The following TOP3B variants were observed in gnomAD, a reference collection of about 807,000 sequenced individuals.
TOP3B encodes the protein DNA topoisomerase III beta.
TOP3B carries 45 observed loss-of-function variants against 93.9 expected under a neutral mutation model. The observed-to-expected ratio is 0.48, with a 90% CI of 0.38 to 0.61. The LOEUF (loss-of-function observed/expected upper bound fraction) is 0.61, where lower values mean the gene tolerates loss of function less well. TOP3B is among the 20% of genes least tolerant of loss of function. The pLI is 0.00. For synonymous variants in TOP3B, 357 were observed against 472.6 expected, an observed-to-expected ratio of 0.76 and a Z score of 3.17; for missense variants, 750 against 1,156.1, an observed-to-expected ratio of 0.65 and a Z score of 5.09.
intron 17 of TOP3B, chr22:21,958,237 A>G (rs566340733): frequency 7.4e-7 from 1 of 1,355,060 alleles, no homozygotes; most frequent in East Asian, 3.1e-5. Flanking sequence ...CAGAGGGAGC[A>G]CTGCACACCT....
intron 13 of TOP3B, 46 bp from the exon 14 acceptor site, chr22:21,960,495 C>T (rs779663778): frequency 3.2e-5 from 51 of 1,608,464 alleles, no homozygotes; most frequent in Non-Finnish European, 4.2e-5. Flanking sequence ...CTTGGACATG[C>T]CCCACTGAAC....
At chr22:21,981,099 C>G (rs1314150108) in intron 1 of TOP3B, among the ~76,000 whole-genome samples, 1 of 152,200 alleles carries the variant, frequency 6.6e-6, no homozygotes, top group Non-Finnish European at 1.5e-5. Context: ...TCTGAGTTTC[C>G]CATCTCTTCC....
intron 2 of TOP3B, 99 bp downstream of exon 2, chr22:21,975,541 A>C: frequency 7.3e-7 from 1 of 1,371,470 alleles, no homozygotes; most frequent in Middle Eastern, 2.0e-4. Context: ...GACCCGAACC[A>C]AATCTACCCC....
chr22:21,964,450 C>G, intron 9 of TOP3B, 135 bp from the exon 10 acceptor site: 2 of 1,047,550 alleles, frequency 1.9e-6, no homozygotes, highest in South Asian at 1.5e-5. Flanking sequence ...GCAGGCACAG[C>G]TGGAGTGCAA....
chr22:21,967,423 G>C, intron 8 of TOP3B, 180 bp downstream of exon 8: 1 of 605,684 alleles, frequency 1.7e-6, no homozygotes, highest in Non-Finnish European at 2.9e-6. Context: ...ATTGCACTGG[G>C]CAGAAATATC....
chr22:21,965,347 G>C lies in TOP3B; in HGVS notation c.881C>G (p.Ala294Gly). Residue 294 changes from alanine to glycine, a missense_variant, in exon 9 of 18, where the codon GCC (alanine) becomes GGC (glycine). By Grantham distance (60) the Ala-to-Gly change is moderately conservative. This residue lies in a region of TOP3B where 737 missense variants were observed against 933.7 expected (regional missense o/e 0.79). Transcript: ENST00000357179. The stretch of plus-strand genomic sequence containing the variant: ...GTTCAGGGCCAGGGGCCTCTGCTTG[G>C]CCTTTTCTTTCCTGCTTGTGGCCTC... Reference protein sequence around the residue: ...QVEATSRKEKAKQRPLALNTV... With the variant: ...QVEATSRKEKGKQRPLALNTV... The C allele has an allele frequency of 6.2e-7, 1 of 1,607,528 alleles. No individual in the cohort carries two copies. Among genetic ancestry groups the C allele is most frequent in the South Asian group, 1.1e-5 (1 of 89,654 alleles).
intron 1 of TOP3B, among the ~76,000 whole-genome samples, chr22:21,981,557 G>A (rs1326739792): frequency 6.6e-6 from 1 of 152,124 alleles, no homozygotes; most frequent in African/African-American, 2.4e-5. Context: ...AATACTTTGC[G>A]AGGCTGAGGC....
chr22:21,972,810 G>T, intron 3 of TOP3B, 92 bp from the exon 4 acceptor site: 2 of 1,045,158 alleles, frequency 1.9e-6, no homozygotes, highest in Non-Finnish European at 2.9e-6. Context: ...TCCCACAAAT[G>T]AGGAGGGGAA....
At position 21,974,345 on chromosome 22, in the gene TOP3B, A is replaced by G. The variant is rs775986567; in HGVS notation, c.202+12T>C. ...AACTCCCTTCAGTAGGATGGAGGGT[A>G]GAGGGGCTTACCCAGGAAATCCAGG... On this transcript the variant is annotated intron_variant, in intron 3 of 17. Coordinates refer to ENST00000357179, the MANE Select transcript of TOP3B (RefSeq NM_001282112.2). The G allele has an allele frequency of 2.5e-6, 4 of 1,612,250 alleles. No homozygotes were observed. Among genetic ancestry groups the G allele is most frequent in the Non-Finnish European group, 3.4e-6 (4 of 1,178,694 alleles).
chr22:21,971,058 A>C lies in TOP3B; in HGVS notation c.385-652T>G. On this transcript the variant is annotated intron_variant, in intron 5 of 17. Coordinates refer to ENST00000357179, the MANE Select transcript of TOP3B (RefSeq NM_001282112.2). The surrounding 1 kb of genome is among the most constrained non-coding windows in gnomAD (Gnocchi z 4.6). ...TTCCTTACTGGGAATAAGTGGCTTCATTTCTGAAGGGAGAAAGCCCCATGA... is the reference window on the plus strand; with the variant it reads ...TTCCTTACTGGGAATAAGTGGCTTCCTTTCTGAAGGGAGAAAGCCCCATGA... 7.7e-7 allele frequency: 1 copy of C among 1,302,950 alleles called. No homozygotes were observed. Among genetic ancestry groups the C allele is most frequent in the Non-Finnish European group, 1.0e-6 (1 of 988,130 alleles). 80.7% of individuals were successfully genotyped at this position (1,302,950 alleles called of 1,614,324 possible).
intron 2 of TOP3B, chr22:21,975,434 C>T: frequency 2.0e-6 from 1 of 509,618 alleles, no homozygotes; most frequent in Non-Finnish European, 3.4e-6. Context: ...TAAATTGTGC[C>T]TTGTGCCTTA....
At chr22:21,979,376 G>A (rs2084566314) in intron 1 of TOP3B, among the ~76,000 whole-genome samples, 1 of 152,066 alleles carries the variant, frequency 6.6e-6, no homozygotes, top group Non-Finnish European at 1.5e-5. Context: ...GTGGCATGCT[G>A]ACCCAGGGAG....
chr22:21,972,065 A>G, intron 4 of TOP3B, 114 bp from the exon 5 acceptor site: 1 of 828,866 alleles, frequency 1.2e-6, no homozygotes, highest in Non-Finnish European at 1.9e-6. Flanking sequence ...CTCAGTTAGG[A>G]GGACTGGTAC....
At chr22:21,959,841 C>A in intron 14 of TOP3B, 105 bp from the exon 15 acceptor site, 1 of 1,485,596 alleles carries the variant, frequency 6.7e-7, no homozygotes, top group Non-Finnish European at 9.0e-7. Flanking sequence ...CCCGCTCTGG[C>A]CCGTCCTCCT....
intron 16 of TOP3B, 83 bp from the exon 17 acceptor site, chr22:21,958,776 GTA>G: frequency 6.8e-7 from 1 of 1,466,686 alleles, no homozygotes; most frequent in Non-Finnish European, 9.0e-7. Flanking sequence ...ATAATACAAA[GTA>G]TGTAATCTGT....
At chr22:21,974,180 C>T in intron 3 of TOP3B, 177 bp downstream of exon 3, 1 of 720,370 alleles carries the variant, frequency 1.4e-6, no homozygotes, top group Non-Finnish European at 2.1e-6. Context: ...GTTCCAGAGC[C>T]TGGGTTCTGG....
At chr22:21,974,994 G>A (rs569626328) in intron 2 of TOP3B, 2 of 153,568 alleles carry the variant, frequency 1.3e-5, no homozygotes, top group East Asian at 1.9e-4. Flanking sequence ...TCAGCTGAAC[G>A]AGGGTCTCTT....
intron 7 of TOP3B, 32 bp from the exon 8 acceptor site, chr22:21,967,748 A>G: frequency 6.3e-7 from 1 of 1,576,562 alleles, no homozygotes; most frequent in Non-Finnish European, 8.7e-7. Context: ...GTGAACGCAC[A>G]AGAAAAAGTC....
At chr22:21,970,000 C>G in intron 6 of TOP3B, 1 of 488,810 alleles carries the variant, frequency 2.0e-6, no homozygotes, top group Non-Finnish European at 3.6e-6. Flanking sequence ...AAACTGCCAA[C>G]CTCAAGCAAT....
Sources: gnomAD v4.1 joint callset for allele counts (sites outside exome capture counted in the v4.1 genomes callset) on GRCh38, gnomAD v4.1.1 for gene constraint, gnomAD v4.1.1 regional missense constraint, Gnocchi (gnomAD v3.1) non-coding constraint, MANE v1.5 for transcripts, NCBI Gene and HGNC (gene_info 2026-07-23, HGNC 2026-07-21) for gene names.